MTFR1: variants seen among roughly 807,000 people sequenced by gnomAD.
MTFR1 encodes chondrocyte protein with a poly-proline region.
MTFR1 carries 28 observed loss-of-function variants against 38.8 expected under a neutral mutation model. The observed-to-expected ratio is 0.72, with a 90% CI of 0.53 to 0.99. The LOEUF is 0.99. MTFR1 is among the 50% of genes least tolerant of loss of function. The pLI is 0.00. For missense variants in MTFR1, 358 were observed against 395.5 expected, an observed-to-expected ratio of 0.91 and a Z score of 0.81; for synonymous variants, 145 against 137.0, an observed-to-expected ratio of 1.06 and a Z score of -0.41.
intron 3 of MTFR1, among the ~76,000 whole-genome samples, chr8:65,753,049 T>TG (rs903025542): frequency 3.3e-5 from 5 of 152,226 alleles, no homozygotes; most frequent in African/African-American, 1.2e-4. Context: ...TTGTGCTTTA[T>TG]GGTAAAGCTA....
At chr8:65,685,098 T>C (rs935744852) in intron 3 of MTFR1, among the ~76,000 whole-genome samples, 16 of 152,258 alleles carry the variant, frequency 1.1e-4, no homozygotes, top group African/African-American at 3.6e-4. Context: ...ATCAGAAATA[T>C]AAAAGATGTA....
chr8:65,670,515 TA>T (rs1804539824), intron 2 of MTFR1, among the ~76,000 whole-genome samples: 1 of 152,234 alleles, frequency 6.6e-6, no homozygotes, highest in Non-Finnish European at 1.5e-5. Context: ...TGACATTTTT[TA>T]TAAGTATTTT....
chr8:65,695,457 A>G (rs1460740235), intron 4 of MTFR1, among the ~76,000 whole-genome samples: 2 of 151,968 alleles, frequency 1.3e-5, no homozygotes, highest in African/African-American at 4.8e-5. Flanking sequence ...CCCGGGTTCT[A>G]TCAATTCTCC....
intron 3 of MTFR1, chr8:65,728,434 G>C (rs1199454855): frequency 1.3e-5 from 2 of 152,128 alleles, no homozygotes; most frequent in Non-Finnish European, 2.9e-5. Context: ...CTGAGGGCTT[G>C]AATCTCCTGG....
intron 1 of MTFR1, among the ~76,000 whole-genome samples, chr8:65,666,197 A>G (rs1275144657): frequency 6.6e-6 from 1 of 152,220 alleles, no homozygotes; most frequent in East Asian, 1.9e-4. Context: ...ACCTGAGGTC[A>G]GGTGTTTGAG....
intron 3 of MTFR1, among the ~76,000 whole-genome samples, chr8:65,747,381 A>G (rs1380229522): frequency 6.6e-6 from 1 of 152,324 alleles, no homozygotes; most frequent in East Asian, 1.9e-4. Flanking sequence ...GAGATCTTAT[A>G]GTTTAATGTT....
intron 2 of MTFR1, among the ~76,000 whole-genome samples, chr8:65,680,510 A>G (rs1170999273): frequency 6.6e-6 from 1 of 152,138 alleles, no homozygotes; most frequent in Admixed American, 6.5e-5. Flanking sequence ...ATTGGACTTG[A>G]TTGCTAAAAT....
chr8:65,684,297 A>G (rs1805001358), intron 3 of MTFR1, among the ~76,000 whole-genome samples: 2 of 152,248 alleles, frequency 1.3e-5, no homozygotes, highest in Non-Finnish European at 2.9e-5. Context: ...AGAGTAAGGT[A>G]CGAGAAACAT....
intron 1 of MTFR1, among the ~76,000 whole-genome samples, chr8:65,659,428 T>G (rs1047551185): frequency 1.7e-5 from 2 of 118,666 alleles, no homozygotes; most frequent in Admixed American, 2.1e-4. Flanking sequence ...AAGGAGAGGT[T>G]TTTTTTTTTT....
chr8:65,749,410 T>C (rs972695742), intron 3 of MTFR1, among the ~76,000 whole-genome samples: 2 of 152,208 alleles, frequency 1.3e-5, no homozygotes, highest in African/African-American at 4.8e-5. Context: ...ACTTCTCCCA[T>C]TTTTCATTCC....
At chr8:65,671,297 C>G (rs1804562934) in intron 2 of MTFR1, among the ~76,000 whole-genome samples, 1 of 152,018 alleles carries the variant, frequency 6.6e-6, no homozygotes, top group South Asian at 2.1e-4. Flanking sequence ...CTTTGGGAGA[C>G]AGAGGCAGGA....
chr8:65,656,141 A>G (rs1809263809), intron 1 of MTFR1, among the ~76,000 whole-genome samples: 6 of 150,244 alleles, frequency 4.0e-5, no homozygotes, highest in Admixed American at 4.0e-4. Context: ...GGTTGCAGTG[A>G]GCCGAGATCA....
intron 1 of MTFR1, among the ~76,000 whole-genome samples, chr8:65,657,270 C>G (rs975859365): frequency 2.6e-5 from 4 of 152,174 alleles, no homozygotes; most frequent in Admixed American, 2.6e-4. Flanking sequence ...ACCTTGGCCT[C>G]CCAAAGTGCT....
chr8:65,775,777 AC>A (rs1298260490), downstream of MTFR1, among the ~76,000 whole-genome samples: 1 of 152,076 alleles, frequency 6.6e-6, no homozygotes, highest in African/African-American at 2.4e-5. Flanking sequence ...ACAGGCACGC[AC>A]CACTGCACCT....
chr8:65,689,588 T>A (rs1287742138), intron 3 of MTFR1: 4 of 1,277,440 alleles, frequency 3.1e-6, no homozygotes, highest in Non-Finnish European at 4.1e-6. Context: ...AGGACCTTGC[T>A]GGGAACCTTC....
intron 1 of MTFR1, among the ~76,000 whole-genome samples, chr8:65,651,397 T>A (rs1184562091): frequency 6.6e-6 from 1 of 152,212 alleles, no homozygotes; most frequent in African/African-American, 2.4e-5. Flanking sequence ...CTGGAGAGTT[T>A]CCCCCAGTGT....
chr8:65,705,772 C>A (rs1805765250), intron 5 of MTFR1, among the ~76,000 whole-genome samples: 1 of 152,194 alleles, frequency 6.6e-6, no homozygotes, highest in Non-Finnish European at 1.5e-5. Context: ...TATAAAATGC[C>A]TTTAACACAA....
At chr8:65,745,426 T>C (rs759401343) in intron 3 of MTFR1, 5 of 1,570,806 alleles carry the variant, frequency 3.2e-6, no homozygotes, top group Admixed American at 1.7e-5. Flanking sequence ...GTCTATCAAA[T>C]AGAAAGATAT....
chr8:65,744,140 A>T (rs1807565645), intron 3 of MTFR1, among the ~76,000 whole-genome samples: 1 of 152,144 alleles, frequency 6.6e-6, no homozygotes, highest in Non-Finnish European at 1.5e-5. Context: ...GCCTAGCTGA[A>T]CTGCTTTTAC....
Sources: allele counts gnomAD v4.1 joint callset (sites outside exome capture counted in the v4.1 genomes callset), GRCh38; gene constraint gnomAD v4.1.1; transcripts MANE v1.5; gene names NCBI Gene and HGNC (gene_info 2026-07-23, HGNC 2026-07-21).